ADAMTS9: variants seen among roughly 807,000 people sequenced by gnomAD.
ADAMTS9 encodes ADAM metallopeptidase with thrombospondin type 1 motif 9.
ADAMTS9 carries 107 observed loss-of-function variants against 257.1 expected under a neutral mutation model. The observed-to-expected ratio is 0.42, with a 90% CI of 0.36 to 0.49. The LOEUF is 0.49. Ranked by LOEUF, ADAMTS9 falls within the 20% of genes least tolerant of loss-of-function variation. ADAMTS9 has a pLI of 0.03. For synonymous variants in ADAMTS9, 982 were observed against 880.9 expected (o/e 1.11, Z -2.03); for missense variants, 2,353 against 2,469.1 (o/e 0.95, Z 1.00).
chr3:64,657,121 A>G (rs1701095095), intron 4 of ADAMTS9, among the ~76,000 whole-genome samples: 1 of 152,158 alleles, frequency 6.6e-6, no homozygotes, highest in African/African-American at 2.4e-5. Context: ...ATGTTTGCAT[A>G]AGAAATACCT....
chr3:64,541,724 C>A, intron 33 of ADAMTS9, 104 bp from the exon 34 acceptor site: 1 of 1,559,310 alleles, frequency 6.4e-7, no homozygotes, highest in South Asian at 1.1e-5. Context: ...TTTAGCAAAG[C>A]GAATGATTTC....
At chr3:64,670,118 T>C (rs72892841) in intron 3 of ADAMTS9, among the ~76,000 whole-genome samples, 288 of 96,442 alleles carry the variant, frequency 3.0e-3, no homozygotes, top group African/African-American at 0.015. Flanking sequence ...TACCAAACTC[T>C]TCTACCTCTG....
chr3:64,670,895 G>C (rs966093018), intron 3 of ADAMTS9, among the ~76,000 whole-genome samples: 1 of 152,180 alleles, frequency 6.6e-6, no homozygotes, highest in East Asian at 1.9e-4. Context: ...AATACCAAGT[G>C]CTGGAAAGGA....
intron 28 of ADAMTS9, among the ~76,000 whole-genome samples, chr3:64,575,987 G>T (rs1047434070): frequency 6.6e-6 from 1 of 152,198 alleles, no homozygotes; most frequent in Admixed American, 6.5e-5. Flanking sequence ...ATAGGTAAAG[G>T]TGGGACTTTG....
chr3:64,641,866 C>A lies in ADAMTS9; in HGVS notation c.1838G>T (p.Arg613Leu). The A allele has an allele frequency of 1.9e-6, 3 of 1,614,116 alleles. No individual in the cohort carries two copies. Among genetic ancestry groups the A allele is most frequent in the Non-Finnish European group, 2.5e-6 (3 of 1,180,012 alleles). Residue 613 changes from arginine (R) to leucine (L), a missense_variant, in exon 12 of 40, where the codon CGA becomes CTA. Arg to Leu is a moderately radical substitution (Grantham distance 102, BLOSUM62 -2). Transcript: ENST00000498707. ...GACTTACTCTGGTCTGTTGCACTCT[C>A]GAATGGCTGTTTTGATGCCCCCTCC... ...TCGGGIKTAI[R>L]ECNRPEPKNG...
chr3:64,581,077 T>G (rs984857396), intron 28 of ADAMTS9, among the ~76,000 whole-genome samples: 1 of 152,220 alleles, frequency 6.6e-6, no homozygotes, highest in Non-Finnish European at 1.5e-5. Context: ...GCAAGGATTA[T>G]AAGAGGATTG....
intron 22 of ADAMTS9, among the ~76,000 whole-genome samples, chr3:64,608,625 T>TA (rs1325497585): frequency 6.6e-6 from 1 of 151,742 alleles, no homozygotes; most frequent in East Asian, 1.9e-4. Flanking sequence ...ATATAAGAAG[T>TA]AAAATGACTG....
intron 22 of ADAMTS9, among the ~76,000 whole-genome samples, chr3:64,608,709 C>T (rs998939056): frequency 1.3e-5 from 2 of 151,650 alleles, no homozygotes; most frequent in African/African-American, 2.4e-5. Flanking sequence ...TTTAAATAAA[C>T]ATTAATACCA....
At chr3:64,565,879 C>G (rs1235495117) in intron 29 of ADAMTS9, 1 of 152,096 alleles carries the variant, frequency 6.6e-6, no homozygotes, top group Non-Finnish European at 1.5e-5. Context: ...AGCTGATTTT[C>G]TTTACAAATT....
intron 28 of ADAMTS9, chr3:64,589,916 G>A (rs1309145875): frequency 6.6e-6 from 1 of 152,138 alleles, no homozygotes; most frequent in Non-Finnish European, 1.5e-5. Context: ...GCCTTTTACA[G>A]TTATCTGAAC....
chr3:64,595,630 T>A (rs1055762783), intron 27 of ADAMTS9, among the ~76,000 whole-genome samples: 3 of 152,166 alleles, frequency 2.0e-5, no homozygotes, highest in African/African-American at 7.2e-5. Flanking sequence ...TTCTTTCCCT[T>A]CAACAAAGCT....
intron 3 of ADAMTS9, among the ~76,000 whole-genome samples, chr3:64,674,220 C>T (rs537513532): frequency 4.1e-4 from 63 of 151,832 alleles, no homozygotes; most frequent in African/African-American, 1.1e-3. Context: ...TTTTAGAGGT[C>T]ATTGCTTATA....
chr3:64,660,981 G>A (rs1287955305), intron 3 of ADAMTS9, among the ~76,000 whole-genome samples: 3 of 152,186 alleles, frequency 2.0e-5, no homozygotes, highest in Non-Finnish European at 4.4e-5. Flanking sequence ...ATTTAAGATG[G>A]AAAGGCATTA....
At chr3:64,653,063 T>A (rs1030183062) in intron 8 of ADAMTS9, among the ~76,000 whole-genome samples, 1 of 152,184 alleles carries the variant, frequency 6.6e-6, no homozygotes, top group African/African-American at 2.4e-5. Flanking sequence ...ATTGCAAAAA[T>A]CTGAGACAAT....
chr3:64,656,734 T>C (rs915914928), intron 4 of ADAMTS9, among the ~76,000 whole-genome samples: 1 of 150,972 alleles, frequency 6.6e-6, no homozygotes, highest in Middle Eastern at 3.4e-3. Context: ...CTGGAGTATC[T>C]GGGACTGAGC....
At chr3:64,636,238 A>G (rs1007498017) in intron 12 of ADAMTS9, among the ~76,000 whole-genome samples, 1 of 152,208 alleles carries the variant, frequency 6.6e-6, no homozygotes, top group Admixed American at 6.5e-5. Context: ...CCACTATAAC[A>G]TGGCAAGTAG....
Position 64,641,798 on chromosome 3 carries a change from T to C in ADAMTS9, c.1856+50A>G, listed in dbSNP as rs371487256. The C allele has an allele frequency of 2.5e-6, 4 of 1,603,626 alleles. No individual in the cohort carries two copies. In the African/African-American group the frequency reaches 5.4e-5, roughly 21 times the overall value. On this transcript the variant is annotated intron_variant, in intron 12 of 39. Transcript: ENST00000498707. Reference sequence around the variant, plus strand: ...CCACCAAATTATTCCCTTTAGGAATTTCATGTTCCTGCCACGGCAGTAATA... The same window carrying C: ...CCACCAAATTATTCCCTTTAGGAATCTCATGTTCCTGCCACGGCAGTAATA...
intron 12 of ADAMTS9, among the ~76,000 whole-genome samples, chr3:64,637,196 A>G (rs1700522594): frequency 6.6e-6 from 1 of 152,236 alleles, no homozygotes; most frequent in Non-Finnish European, 1.5e-5. Context: ...TGGACTATGT[A>G]ATAGAGAAAG....
At chr3:64,631,397 T>C (rs1700364057) in intron 16 of ADAMTS9, 58 bp downstream of exon 16, 1 of 1,354,278 alleles carries the variant, frequency 7.4e-7, no homozygotes, top group Non-Finnish European at 1.1e-6. Context: ...AAGGAAGCAG[T>C]ATCTGGCCAC....
Sources: allele counts gnomAD v4.1 joint callset (sites outside exome capture counted in the v4.1 genomes callset), GRCh38; gene constraint gnomAD v4.1.1; transcripts MANE v1.5; gene names NCBI Gene and HGNC (gene_info 2026-07-23, HGNC 2026-07-21).